The following PTPN20 variants were observed in gnomAD, a reference collection of about 807,000 sequenced individuals.
The protein encoded by PTPN20 is protein tyrosine phosphatase non-receptor type 20, also known as tyrosine-protein phosphatase non-receptor type 20.
Under a neutral mutation model 35.0 loss-of-function variants are expected in PTPN20, and 9 were observed. The ratio of observed to expected loss-of-function variants is 0.26; its 90% CI spans 0.15 to 0.45. The LOEUF (loss-of-function observed/expected upper bound fraction) is 0.45. Among genes scored for constraint, PTPN20 ranks in the 20% least tolerant of loss-of-function variants. The pLI, the probability that PTPN20 is intolerant of heterozygous loss-of-function variation, is 1.00. For synonymous variants in PTPN20, 32 were observed against 100.2 expected, an observed-to-expected ratio of 0.32 and a Z score of 4.06; for missense variants, 111 against 312.5, an observed-to-expected ratio of 0.36 and a Z score of 4.86.
intron 1 of PTPN20, among the ~76,000 whole-genome samples, chr10:46,923,035 T>C (rs1206703832): frequency 3.5e-5 from 5 of 143,282 alleles, no homozygotes; most frequent in African/African-American, 1.5e-4. Flanking sequence ...GATGCTGGAA[T>C]GGGTCAAGGG....
At chr10:46,994,047 A>G (rs2058538599) in intron 9 of PTPN20, among the ~76,000 whole-genome samples, 1 of 151,934 alleles carries the variant, frequency 6.6e-6, no homozygotes, top group African/African-American at 2.4e-5. Flanking sequence ...ACTCCTTCAT[A>G]TTTAAAAGTA....
chr10:46,992,100 T>TG (rs2137323254), intron 9 of PTPN20, among the ~76,000 whole-genome samples: 1 of 151,994 alleles, frequency 6.6e-6, no homozygotes, highest in South Asian at 2.1e-4. Flanking sequence ...TCTTATTTCT[T>TG]GGAGGTTTTG....
At chr10:46,996,460 T>C (rs2059123907) in intron 9 of PTPN20, among the ~76,000 whole-genome samples, 2 of 152,340 alleles carry the variant, frequency 1.3e-5, no homozygotes, top group Admixed American at 6.5e-5. Flanking sequence ...ATTAAAAAAA[T>C]GCTTTTAAAG....
chr10:46,999,775 A>T (rs2059776017), intron 9 of PTPN20, 137 bp from the exon 10 acceptor site: 1 of 1,062,674 alleles, frequency 9.4e-7, no homozygotes, highest in Non-Finnish European at 1.4e-6. Flanking sequence ...CTAAGTTAAA[A>T]ATAGCACATT....
At chr10:46,994,229 T>C (rs952147691) in intron 9 of PTPN20, among the ~76,000 whole-genome samples, 1 of 147,014 alleles carries the variant, frequency 6.8e-6, no homozygotes, top group Non-Finnish European at 1.5e-5. Context: ...CTTTTTAGGA[T>C]CCTCTCTTTA....
At chr10:46,954,454 T>A (rs1227759877) in intron 5 of PTPN20, among the ~76,000 whole-genome samples, 1 of 145,740 alleles carries the variant, frequency 6.9e-6, no homozygotes, top group Non-Finnish European at 1.5e-5. Flanking sequence ...TATTTAGGTG[T>A]CTCTCTTTTT....
intron 5 of PTPN20, among the ~76,000 whole-genome samples, chr10:46,957,246 C>T (rs2048663614): frequency 6.6e-6 from 1 of 151,402 alleles, no homozygotes; most frequent in Non-Finnish European, 1.5e-5. Context: ...CTTTTTTTTC[C>T]TAATTTCTCT....
rs1244192286 is a variant in PTPN20 at position 47,000,757 on chromosome 10, C to T, written c.*16C>T. ...TTTGGATTAAGAAAGACTTCTGTTG[C>T]CTCTCACTTGAAATTACCAAGTGGG... On this transcript the variant is annotated 3_prime_UTR_variant, in exon 11 of 11. Coordinates refer to ENST00000374339, the MANE Select transcript of PTPN20 (RefSeq NM_001042357.5). 6.2e-6 allele frequency: 10 copies of T among 1,613,268 alleles called. No homozygotes were observed. The highest frequency in any genetic ancestry group is 1.1e-5 in the South Asian group (1 of 91,056).
chr10:46,959,032 TG>T (rs1306352246), intron 5 of PTPN20, among the ~76,000 whole-genome samples: 1 of 145,552 alleles, frequency 6.9e-6, no homozygotes, highest in Non-Finnish European at 1.5e-5. Flanking sequence ...AGATATACTT[TG>T]TTTATTATAT....
chr10:46,918,616 C>T (rs2033874883), intron 1 of PTPN20, among the ~76,000 whole-genome samples: 1 of 134,984 alleles, frequency 7.4e-6, no homozygotes, highest in South Asian at 2.3e-4. Flanking sequence ...GTGTAATTTC[C>T]TTTGTCACTT....
At chr10:46,996,603 A>T (rs1299415953) in intron 9 of PTPN20, among the ~76,000 whole-genome samples, 1 of 152,172 alleles carries the variant, frequency 6.6e-6, no homozygotes, top group African/African-American at 2.4e-5. Context: ...TCTTTTATGA[A>T]AATTCTGTAA....
intron 5 of PTPN20, among the ~76,000 whole-genome samples, chr10:46,953,335 T>TTTTCTTTTC (rs2047296778): frequency 3.5e-5 from 4 of 113,452 alleles, no homozygotes; most frequent in Admixed American, 1.8e-4. Flanking sequence ...CTTTCATTTC[T>TTTTCTTTTC]TTTCTTTCTT....
chr10:46,992,758 G>A (rs1176812027), intron 9 of PTPN20, among the ~76,000 whole-genome samples: 1 of 152,250 alleles, frequency 6.6e-6, no homozygotes, highest in South Asian at 2.1e-4. Context: ...AATTTCTGGC[G>A]AGCTAGTACA....
intron 9 of PTPN20, 80 bp from the exon 10 acceptor site, chr10:46,999,832 C>G (rs1484444258): frequency 1.3e-6 from 2 of 1,516,984 alleles, no homozygotes; most frequent in Non-Finnish European, 1.8e-6. Context: ...CTTGACATCT[C>G]TTTCACCCTT....
At chr10:46,945,570 G>C (rs1245922888) in intron 4 of PTPN20, among the ~76,000 whole-genome samples, 1 of 152,328 alleles carries the variant, frequency 6.6e-6, no homozygotes, top group East Asian at 1.9e-4. Flanking sequence ...CTGATAAGGG[G>C]CCTTGATTTA....
chr10:46,951,955 T>C (rs1195900997), intron 5 of PTPN20, among the ~76,000 whole-genome samples: 1 of 107,862 alleles, frequency 9.3e-6, no homozygotes, highest in Non-Finnish European at 1.8e-5. Flanking sequence ...AATTATTTTG[T>C]TCATTCCTGT....
intron 9 of PTPN20, among the ~76,000 whole-genome samples, chr10:46,995,340 T>C (rs1449097936): frequency 2.0e-5 from 3 of 146,440 alleles, no homozygotes; most frequent in Non-Finnish European, 3.0e-5. Flanking sequence ...TTTCTTTTTT[T>C]TTTTTTTTTT....
chr10:46,999,862 G>A (rs782019552), intron 9 of PTPN20, 50 bp from the exon 10 acceptor site: 1 of 1,601,402 alleles, frequency 6.2e-7, no homozygotes, highest in African/African-American at 1.3e-5. Context: ...CTGTGAATTT[G>A]TGTTTTTCCC....
intron 5 of PTPN20, among the ~76,000 whole-genome samples, chr10:46,953,375 C>CTTTCTTTCTTTA (rs2047363714): frequency 7.2e-6 from 1 of 138,824 alleles, no homozygotes; most frequent in African/African-American, 3.1e-5. Context: ...TTCTTTCTTT[C>CTTTCTTTCTTTA]TTTCTTTCTT....
Sources: gnomAD v4.1 joint callset for allele counts (sites outside exome capture counted in the v4.1 genomes callset) on GRCh38, gnomAD v4.1.1 for gene constraint, MANE v1.5 for transcripts, NCBI Gene and HGNC (gene_info 2026-07-23, HGNC 2026-07-21) for gene names.